Variants in GALNT18 observed in about 807,000 individuals in gnomAD.
The protein encoded by GALNT18 is GalNAc-transferase 18.
Under a neutral mutation model 69.5 loss-of-function variants are expected in GALNT18, and 44 were observed. That is an observed-to-expected ratio of 0.63 (90% confidence interval 0.50 to 0.81). GALNT18 has a LOEUF of 0.81. Ranked by LOEUF, GALNT18 falls within the 40% of genes least tolerant of loss-of-function variation. The probability of loss-of-function intolerance (pLI) is 0.00; values close to 1 mark genes in which losing one functional copy is unlikely to be tolerated. For synonymous variants in GALNT18, 364 were observed against 318.2 expected, an observed-to-expected ratio of 1.14 and a Z score of -1.53; for missense variants, 715 against 810.0, an observed-to-expected ratio of 0.88 and a Z score of 1.42.
chr11:11,297,430 T>C (rs983103449), intron 9 of GALNT18, among the ~76,000 whole-genome samples: 1 of 152,078 alleles, frequency 6.6e-6, no homozygotes, highest in Non-Finnish European at 1.5e-5. Context: ...GTCGCACGGT[T>C]GGTGAGTAGC....
At chr11:11,589,153 C>T (rs555518848) in intron 1 of GALNT18, among the ~76,000 whole-genome samples, 2 of 152,280 alleles carry the variant, frequency 1.3e-5, no homozygotes, top group Middle Eastern at 3.4e-3. Flanking sequence ...CCTGATGACC[C>T]CCATAGGAGT....
chr11:11,588,465 C>T (rs1027419700), intron 1 of GALNT18, among the ~76,000 whole-genome samples: 3 of 152,130 alleles, frequency 2.0e-5, no homozygotes, highest in Non-Finnish European at 4.4e-5. Context: ...TCCTGTGAAG[C>T]GAGTCAATTC....
chr11:11,523,595 T>C lies in GALNT18; in HGVS notation c.236-74659A>G, dbSNP rs1177046863. On this transcript the variant is annotated intron_variant, in intron 1 of 10. Transcript: ENST00000227756. The surrounding 1 kb of genome is among the most constrained non-coding windows in gnomAD (Gnocchi z 4.3). ...TTAGCCAGGCGTGTTGGTGGGCTCC[T>C]GTAGTCCCAGCTACTCGGGAGGCTG... Among the ~76,000 whole-genome samples, 1 of 151,874 alleles carries C rather than the reference T, an allele frequency of 6.6e-6. No homozygotes were observed.
At chr11:11,455,643 C>T (rs1855908851) in intron 1 of GALNT18, among the ~76,000 whole-genome samples, 1 of 151,886 alleles carries the variant, frequency 6.6e-6, no homozygotes, top group Non-Finnish European at 1.5e-5. Flanking sequence ...CCTCAGCAGG[C>T]TGGGGGTAGC....
rs544335746 is a variant in GALNT18, at chr11:11,288,452, C to A, written c.1677+4577G>T. 1.4e-3 allele frequency among the ~76,000 whole-genome samples: 220 copies of A among 152,268 alleles called. 1 individual carries two copies. Among genetic ancestry groups the A allele is most frequent in the Non-Finnish European group, 1.4e-3 (97 of 68,022 alleles). ...GAGTTCTGCAGACCAAGTCGGTCAT[C>A]CCAGGCTCTCAGAACACAGCACACC... On this transcript the variant is annotated intron_variant, in intron 10 of 10. Coordinates refer to ENST00000227756, the MANE Select transcript of GALNT18 (RefSeq NM_198516.3).
Position 11,480,645 on chromosome 11 carries a change from G to A in GALNT18, c.236-31709C>T, listed in dbSNP as rs1170960373. 6.6e-6 allele frequency among the ~76,000 whole-genome samples: 1 copy of A among 152,126 alleles called. No individual in the cohort carries two copies. The highest frequency in any genetic ancestry group is 2.4e-5 in the African/African-American group (1 of 41,404). On this transcript the variant is annotated intron_variant, in intron 1 of 10. Coordinates refer to ENST00000227756, the MANE Select transcript of GALNT18 (RefSeq NM_198516.3). This position sits in a 1 kb window ranked among gnomAD's most constrained non-coding sequence, Gnocchi z 4.6. ...TAATGCAGTGGCACCTTCCTACTGG[G>A]GATCACTGAGAGCAGAGAAGTGACA... is the stretch of plus-strand genomic sequence containing the variant.
rs142063535 is a variant in GALNT18, at chr11:11,591,159, CGTGTGTGT to C, written c.235+30192_235+30199del. Among the ~76,000 whole-genome samples the C allele has an allele frequency of 2.7e-5, 4 of 148,958 alleles. No homozygotes were observed. The highest frequency in any genetic ancestry group is 5.9e-5 in the Non-Finnish European group (4 of 67,394). ...TGCTGACTCTGTAGGCCTAGGCTAC[CGTGTGTGT>C]GTGTGTGTGTGTGTGTGTTAGTTTT... On this transcript the variant is annotated intron_variant, in intron 1 of 10. Transcript: ENST00000227756. The surrounding 1 kb of genome is among the most constrained non-coding windows in gnomAD (Gnocchi z 4.8).
chr11:11,422,766 T>C (rs1163696701), intron 3 of GALNT18, among the ~76,000 whole-genome samples: 2 of 151,880 alleles, frequency 1.3e-5, no homozygotes, highest in South Asian at 2.1e-4. Context: ...CAAGGGATAA[T>C]GGGGGTTCTG....
Position 11,390,170 on chromosome 11 carries a change from G to T in GALNT18, c.596-10906C>A, listed in dbSNP as rs556903861. Among the ~76,000 whole-genome samples, 119 of 152,210 alleles carry T rather than the reference G, an allele frequency of 7.8e-4. 2 individuals carry two copies. The highest frequency in any genetic ancestry group is 2.8e-3 in the African/African-American group (118 of 41,536). On this transcript the variant is annotated intron_variant, in intron 3 of 10. Transcript: ENST00000227756. ...ATCCTACCCCCAGTCCCCACCACCA[G>T]TTGTTCATGGCTTACAAGGTCAAAC...
intron 6 of GALNT18, among the ~76,000 whole-genome samples, chr11:11,357,277 C>T (rs897137538): frequency 6.6e-6 from 1 of 152,090 alleles, no homozygotes; most frequent in Non-Finnish European, 1.5e-5. Context: ...TTCAACTACT[C>T]TCTCAAGGTC....
In GALNT18 at chr11:11,337,937, G is replaced by C. The variant is rs1314126196; in HGVS notation, c.1278+2882C>G. On this transcript the variant is annotated intron_variant, in intron 7 of 10. Transcript: ENST00000227756. The surrounding 1 kb of genome is among the most constrained non-coding windows in gnomAD (Gnocchi z 4.9). The stretch of plus-strand genomic sequence containing the variant: ...AACACTGGGCTTTGTGCTTGATTTT[G>C]TACATAGCAGGAGTCATTTAAAGAT... 6.8e-6 allele frequency among the ~76,000 whole-genome samples: 1 copy of C among 147,810 alleles called. No homozygotes were observed. Among genetic ancestry groups the C allele is most frequent in the East Asian group, 2.0e-4 (1 of 5,054 alleles).
chr11:11,334,094 G>A (rs1196274744), intron 7 of GALNT18, among the ~76,000 whole-genome samples: 2 of 152,118 alleles, frequency 1.3e-5, no homozygotes, highest in Non-Finnish European at 1.5e-5. Context: ...CTCTCTTTGT[G>A]AATCCCTGGT....
chr11:11,485,050 C>A (rs1408329974), intron 1 of GALNT18, among the ~76,000 whole-genome samples: 1 of 152,206 alleles, frequency 6.6e-6, no homozygotes, highest in Non-Finnish European at 1.5e-5. Flanking sequence ...ATCATCATGC[C>A]AATCTGGAGG....
intron 3 of GALNT18, among the ~76,000 whole-genome samples, chr11:11,403,387 C>T (rs1261616351): frequency 1.3e-5 from 2 of 152,204 alleles, no homozygotes; most frequent in East Asian, 1.9e-4. Context: ...ATCTACTCTG[C>T]AGTCACATCC....
At position 11,271,133 on chromosome 11, in the gene GALNT18, GC is replaced by G; in HGVS notation, c.*10del. ...AGTAGCAAAGAGGCAGCCGGAAGTG[GC>G]CCCGGTGGGTCAGGACGCGAGGCTC... is the stretch of plus-strand genomic sequence containing the variant. On this transcript the variant is annotated 3_prime_UTR_variant, in exon 11 of 11. Transcript: ENST00000227756. 6.2e-7 allele frequency: 1 copy of G among 1,605,220 alleles called. No homozygotes were observed.
At position 11,318,401 on chromosome 11, in the gene GALNT18, G is replaced by A. The variant is rs1849791316; in HGVS notation, c.1512+8685C>T. Among the ~76,000 whole-genome samples the A allele has an allele frequency of 2.0e-5, 3 of 152,280 alleles. No individual in the cohort carries two copies. The highest frequency in any genetic ancestry group is 2.0e-4 in the Admixed American group (3 of 15,302). On this transcript the variant is annotated intron_variant, in intron 9 of 10. Coordinates refer to ENST00000227756, the MANE Select transcript of GALNT18 (RefSeq NM_198516.3). The surrounding 1 kb of genome is among the most constrained non-coding windows in gnomAD (Gnocchi z 5.1). ...TATAAAAAGGGGCAATTTGGACACA[G>A]ACGCACATACTGATAATGCCATGTG...
Position 11,531,868 on chromosome 11 carries a change from G to A in GALNT18, c.236-82932C>T, listed in dbSNP as rs143418170. On this transcript the variant is annotated intron_variant, in intron 1 of 10. Coordinates refer to ENST00000227756, the MANE Select transcript of GALNT18 (RefSeq NM_198516.3). Reference sequence around the variant, plus strand: ...AAACAATTTGGGTATATTCTGCTTCGGGCCAGGCCCCTTCTGATAGGTGAG... The same window carrying A: ...AAACAATTTGGGTATATTCTGCTTCAGGCCAGGCCCCTTCTGATAGGTGAG... 1.3e-4 allele frequency among the ~76,000 whole-genome samples: 20 copies of A among 152,186 alleles called. No homozygotes were observed. In the East Asian group the frequency reaches 2.9e-3, roughly 22 times the overall value.
chr11:11,536,383 C>T (rs1304834983), intron 1 of GALNT18, among the ~76,000 whole-genome samples: 4 of 152,188 alleles, frequency 2.6e-5, no homozygotes, highest in Admixed American at 1.3e-4. Context: ...TCAACTAGGT[C>T]TGTCTGCTCT....
At chr11:11,468,602 A>G (rs1284752690) in intron 1 of GALNT18, among the ~76,000 whole-genome samples, 1 of 151,396 alleles carries the variant, frequency 6.6e-6, no homozygotes, top group Admixed American at 6.6e-5. Context: ...GGCTGCAGGG[A>G]GGTTGCTGGG....
Sources: allele counts gnomAD v4.1 joint callset (sites outside exome capture counted in the v4.1 genomes callset), GRCh38; gene constraint gnomAD v4.1.1; non-coding constraint Gnocchi (gnomAD v3.1); transcripts MANE v1.5; gene names NCBI Gene and HGNC (gene_info 2026-07-23, HGNC 2026-07-21).